Variants in RIMS1 observed in about 807,000 individuals in gnomAD.
The protein encoded by RIMS1 is regulating synaptic membrane exocytosis protein 1.
In RIMS1, 83 loss-of-function variants were observed where a neutral mutation model predicts 214.1. That is an observed-to-expected ratio of 0.39 (90% CI 0.32 to 0.47). RIMS1 has a LOEUF of 0.47. RIMS1 is among the 20% of genes least tolerant of loss of function. The probability of loss-of-function intolerance (pLI) is 0.99; values close to 1 mark genes in which losing one functional copy is unlikely to be tolerated. For synonymous variants in RIMS1, 793 were observed against 786.8 expected (o/e 1.01, Z -0.13); for missense variants, 2,050 against 2,161.8 (o/e 0.95, Z 1.03).
At chr6:72,126,761 TAAAAAAA>T (rs71540329) in intron 4 of RIMS1, 4 of 124,556 alleles carry the variant, frequency 3.2e-5, no homozygotes, top group African/African-American at 1.1e-4. Context: ...ATTAAAAAGT[TAAAAAAA>T]AAAAAAAAAA....
intron 1 of RIMS1, among the ~76,000 whole-genome samples, chr6:71,899,491 A>C (rs77050251): frequency 0.046 from 7,005 of 151,048 alleles, 517 homozygotes; most frequent in African/African-American, 0.16. Context: ...CACACACACA[A>C]ACACACACAC....
chr6:72,014,869 T>C (rs1200482730), intron 2 of RIMS1, among the ~76,000 whole-genome samples: 1 of 152,208 alleles, frequency 6.6e-6, no homozygotes, highest in East Asian at 1.9e-4. Context: ...TCATGATATA[T>C]CCTCTTTGGA....
At chr6:72,342,587 A>T (rs1039214225) in intron 29 of RIMS1, among the ~76,000 whole-genome samples, 1 of 151,232 alleles carries the variant, frequency 6.6e-6, no homozygotes, top group African/African-American at 2.4e-5. Flanking sequence ...CTTTTCTTGT[A>T]CCAGACTCTG....
intron 4 of RIMS1, among the ~76,000 whole-genome samples, chr6:72,125,360 G>A (rs1026061837): frequency 1.3e-4 from 20 of 152,254 alleles, no homozygotes; most frequent in African/African-American, 2.6e-4. Flanking sequence ...TGGAAGCTTC[G>A]TCTCAGAGGG....
intron 6 of RIMS1, among the ~76,000 whole-genome samples, chr6:72,199,814 T>G (rs1185996672): frequency 6.6e-6 from 1 of 152,120 alleles, no homozygotes; most frequent in African/African-American, 2.4e-5. Context: ...ATTTTAAAAT[T>G]AGAAACCAGT....
intron 29 of RIMS1, among the ~76,000 whole-genome samples, chr6:72,351,622 T>A (rs1475202990): frequency 1.3e-5 from 2 of 152,288 alleles, no homozygotes; most frequent in East Asian, 3.9e-4. Flanking sequence ...ACACAGCTAG[T>A]AAGTGGCAAA....
chr6:72,200,667 G>A (rs914731419), intron 6 of RIMS1, among the ~76,000 whole-genome samples: 1 of 152,130 alleles, frequency 6.6e-6, no homozygotes, highest in African/African-American at 2.4e-5. Flanking sequence ...CATTGATGAG[G>A]GAAGGATAAA....
At chr6:72,237,219 G>A (rs1229245446) in intron 8 of RIMS1, among the ~76,000 whole-genome samples, 1 of 146,274 alleles carries the variant, frequency 6.8e-6, no homozygotes, top group Non-Finnish European at 1.5e-5. Flanking sequence ...AATAGAAAGA[G>A]AGAGAGAGAG....
intron 1 of RIMS1, among the ~76,000 whole-genome samples, chr6:71,944,577 C>A (rs950077418): frequency 5.3e-5 from 8 of 152,022 alleles, no homozygotes; most frequent in Admixed American, 2.6e-4. Flanking sequence ...AAGTTGCCAT[C>A]CTGGTGTGAG....
chr6:72,115,269 A>G (rs2036853432), intron 4 of RIMS1, among the ~76,000 whole-genome samples: 2 of 151,928 alleles, frequency 1.3e-5, no homozygotes, highest in South Asian at 2.1e-4. Context: ...ATTATTAGAA[A>G]CTGATTTCAT....
intron 2 of RIMS1, among the ~76,000 whole-genome samples, chr6:72,068,153 A>G (rs1177171498): frequency 6.7e-6 from 1 of 149,094 alleles, no homozygotes; most frequent in African/African-American, 2.4e-5. Context: ...GCAGGGGACC[A>G]ATTTTTTTGG....
At chr6:71,894,085 G>A (rs1192284666) in intron 1 of RIMS1, among the ~76,000 whole-genome samples, 1 of 152,170 alleles carries the variant, frequency 6.6e-6, no homozygotes, top group African/African-American at 2.4e-5. Context: ...AATAAGTAAT[G>A]CAAGCAAGTG....
At chr6:71,887,316 C>T in intron 1 of RIMS1, 129 bp downstream of exon 1, 2 of 1,236,096 alleles carry the variant, frequency 1.6e-6, no homozygotes, top group Non-Finnish European at 2.3e-6. Context: ...GACGGAGGCG[C>T]CCGCCTTGGG....
chr6:72,292,522 G>T (rs2093551472), intron 26 of RIMS1, among the ~76,000 whole-genome samples: 1 of 151,986 alleles, frequency 6.6e-6, no homozygotes, highest in African/African-American at 2.4e-5. Context: ...ACATGTTTTA[G>T]TGTCTTCAGC....
intron 15 of RIMS1, among the ~76,000 whole-genome samples, chr6:72,252,179 T>C (rs2073705959): frequency 6.6e-6 from 1 of 152,222 alleles, no homozygotes; most frequent in Admixed American, 6.5e-5. Flanking sequence ...GAAAGAAGCC[T>C]CATTTTGGTA....
chr6:72,212,855 G>C, intron 6 of RIMS1: 4 of 1,128,676 alleles, frequency 3.5e-6, no homozygotes, highest in Non-Finnish European at 4.3e-6. Context: ...ACCGAAGCTT[G>C]TCTACAGTAT....
chr6:71,951,687 C>T (rs1294678823), intron 1 of RIMS1, among the ~76,000 whole-genome samples: 3 of 147,492 alleles, frequency 2.0e-5, no homozygotes, highest in African/African-American at 5.0e-5. Context: ...TTAATAGTGA[C>T]AGGGTCTTTC....
At chr6:72,141,676 C>T (rs530613626) in intron 4 of RIMS1, among the ~76,000 whole-genome samples, 71 of 151,610 alleles carry the variant, frequency 4.7e-4, no homozygotes, top group Non-Finnish European at 8.3e-4. Flanking sequence ...TTAAATAACC[C>T]GTGATAGAGT....
Position 72,048,689 on chromosome 6 carries a change from C to T in RIMS1, c.246-48260C>T, listed in dbSNP as rs533634409. Among the ~76,000 whole-genome samples the T allele has an allele frequency of 1.4e-4, 21 of 152,270 alleles. 1 individual carries two copies. In the South Asian group the frequency reaches 2.5e-3, roughly 18 times the overall value. ...TAAATGTAAAAATGTTAATGAAAAA[C>T]GGTATCCTCCTATCAAAGTTATTTT... On this transcript the variant is annotated intron_variant, in intron 2 of 33. Transcript: ENST00000521978.
Sources: gnomAD v4.1 joint callset for allele counts (sites outside exome capture counted in the v4.1 genomes callset) on GRCh38, gnomAD v4.1.1 for gene constraint, MANE v1.5 for transcripts, NCBI Gene and HGNC (gene_info 2026-07-23, HGNC 2026-07-21) for gene names.